The following WWOX variants were observed in gnomAD, a reference collection of about 807,000 sequenced individuals.
WWOX encodes the protein WW domain-containing oxidoreductase.
In WWOX, 69 loss-of-function variants were observed where a neutral mutation model predicts 46.2. That is an observed-to-expected ratio of 1.49 (90% CI 1.23 to 1.82). The LOEUF (loss-of-function observed/expected upper bound fraction) is 1.82, where lower values mean the gene tolerates loss of function less well. Ranked by LOEUF, WWOX falls within the 40% of genes most tolerant of loss-of-function variation. The pLI is 0.00. For missense variants in WWOX, 919 were observed against 542.6 expected, an observed-to-expected ratio of 1.69 and a Z score of -6.89; for synonymous variants, 359 against 202.6, an observed-to-expected ratio of 1.77 and a Z score of -6.56.
chr16:79,121,627 C>G (rs1395837017), intron 8 of WWOX, among the ~76,000 whole-genome samples: 1 of 152,082 alleles, frequency 6.6e-6, no homozygotes, highest in Non-Finnish European at 1.5e-5. Context: ...TTCAAAGACT[C>G]CATGGAGTCC....
chr16:78,997,997 C>T (rs752259640), intron 8 of WWOX, among the ~76,000 whole-genome samples: 11 of 152,136 alleles, frequency 7.2e-5, no homozygotes, highest in Non-Finnish European at 1.6e-4. Flanking sequence ...CTGCCTCAGC[C>T]TCCCGAGTAG....
At chr16:78,171,488 G>A (rs2035159071) in intron 5 of WWOX, among the ~76,000 whole-genome samples, 1 of 152,068 alleles carries the variant, frequency 6.6e-6, no homozygotes, top group African/African-American at 2.4e-5. Flanking sequence ...GAGGCATGTG[G>A]TATGTGGGGC....
chr16:79,168,293 A>G (rs2050633855), intron 8 of WWOX, among the ~76,000 whole-genome samples: 1 of 152,166 alleles, frequency 6.6e-6, no homozygotes, highest in Admixed American at 6.5e-5. Flanking sequence ...TAACTTTTTG[A>G]TGAACTGACA....
chr16:78,459,536 C>G lies in WWOX; in HGVS notation c.1056+26784C>G, dbSNP rs557942389. On this transcript the variant is annotated intron_variant, in intron 8 of 8. Transcript: ENST00000566780. ...CTTTGCTTCATGTTTTCCTTAAACT[C>G]TGTGCACATGAATATTTGTGGTATA... Among the ~76,000 whole-genome samples the G allele has an allele frequency of 6.6e-5, 10 of 152,256 alleles. No individual in the cohort carries two copies. The South Asian group carries it at 1.9e-3, about 28-fold the overall frequency.
intron 8 of WWOX, among the ~76,000 whole-genome samples, chr16:79,207,788 CTT>C (rs35405085): frequency 6.6e-6 from 1 of 150,702 alleles, no homozygotes; most frequent in African/African-American, 2.4e-5. Context: ...TATGTGGGTG[CTT>C]TTTTTTTCTT....
intron 8 of WWOX, among the ~76,000 whole-genome samples, chr16:78,690,379 C>T (rs532841009): frequency 5.3e-5 from 8 of 152,036 alleles, no homozygotes; most frequent in Admixed American, 1.3e-4. Flanking sequence ...AGTGAGACCC[C>T]GTATCTACAA....
At chr16:78,974,508 C>T (rs74032469) in intron 8 of WWOX, among the ~76,000 whole-genome samples, 7 of 152,104 alleles carry the variant, frequency 4.6e-5, no homozygotes, top group Admixed American at 6.5e-5. Flanking sequence ...GTGATGAATC[C>T]GTCTCTGTTA....
chr16:78,822,309 C>G (rs939478446), intron 8 of WWOX, among the ~76,000 whole-genome samples: 1 of 152,154 alleles, frequency 6.6e-6, no homozygotes, highest in Non-Finnish European at 1.5e-5. Flanking sequence ...GCCTGGCTGA[C>G]ATGACGAAAC....
intron 8 of WWOX, among the ~76,000 whole-genome samples, chr16:78,808,206 T>C (rs1052885378): frequency 3.5e-4 from 53 of 152,276 alleles, no homozygotes; most frequent in African/African-American, 1.2e-3. Flanking sequence ...CCTCTGAATA[T>C]GCTCCTCCTG....
intron 5 of WWOX, among the ~76,000 whole-genome samples, chr16:78,248,988 C>T (rs150965768): frequency 6.6e-6 from 1 of 151,204 alleles, no homozygotes; most frequent in Non-Finnish European, 1.5e-5. Context: ...TCCGGAGCAG[C>T]TGGGACTACA....
intron 8 of WWOX, among the ~76,000 whole-genome samples, chr16:78,723,598 T>TC (rs2048748903): frequency 1.3e-5 from 1 of 77,418 alleles, no homozygotes; most frequent in African/African-American, 5.2e-5. Context: ...TTTTCTTTTC[T>TC]TTTCTTTTCT....
intron 5 of WWOX, among the ~76,000 whole-genome samples, chr16:78,227,287 A>T (rs1258671245): frequency 1.3e-5 from 2 of 152,182 alleles, no homozygotes; most frequent in Non-Finnish European, 2.9e-5. Flanking sequence ...CATAAATTTA[A>T]TGGAGTTTTA....
At chr16:78,742,513 C>T (rs2049253853) in intron 8 of WWOX, among the ~76,000 whole-genome samples, 1 of 152,206 alleles carries the variant, frequency 6.6e-6, no homozygotes, top group East Asian at 1.9e-4. Context: ...CTGGTATGTA[C>T]TAGGTGCCCT....
intron 8 of WWOX, among the ~76,000 whole-genome samples, chr16:78,652,721 A>C (rs565577333): frequency 2.0e-4 from 30 of 152,290 alleles, no homozygotes; most frequent in African/African-American, 6.7e-4. Flanking sequence ...TGTTCTTTTC[A>C]GATTTAGGTT....
At position 78,977,046 on chromosome 16, in the gene WWOX, A is replaced by G. The variant is rs537512780; in HGVS notation, c.1057-234562A>G. On this transcript the variant is annotated intron_variant, in intron 8 of 8. Transcript: ENST00000566780. ...CCTGGCCTGGGACAATCAGGTTTCAACTGAGGCTCACGCACACGTCAACAC... is the reference window on the plus strand; with the variant it reads ...CCTGGCCTGGGACAATCAGGTTTCAGCTGAGGCTCACGCACACGTCAACAC... 3.3e-5 allele frequency among the ~76,000 whole-genome samples: 5 copies of G among 152,254 alleles called. No homozygotes were observed. The South Asian group carries it at 1.0e-3, about 32-fold the overall frequency.
At chr16:79,134,876 C>A (rs2150703879) in intron 8 of WWOX, among the ~76,000 whole-genome samples, 1 of 152,194 alleles carries the variant, frequency 6.6e-6, no homozygotes, top group East Asian at 1.9e-4. Context: ...AAAGCAACTG[C>A]ATTCCCACTG....
chr16:78,999,143 T>C (rs2047045848), intron 8 of WWOX, among the ~76,000 whole-genome samples: 1 of 150,686 alleles, frequency 6.6e-6, no homozygotes. Context: ...CTGATGCTTC[T>C]TCTTTTTTTT....
rs144222036 is a variant in WWOX at position 78,343,428 on chromosome 16, C to T, written c.517-43432C>T. Reference sequence around the variant, plus strand: ...TCAATCACTGATGGCCAGCTGTCAACAGGCACCATTTTTGGTGGGACCTGA... The same window carrying T: ...TCAATCACTGATGGCCAGCTGTCAATAGGCACCATTTTTGGTGGGACCTGA... On this transcript the variant is annotated intron_variant, in intron 5 of 8. Coordinates refer to ENST00000566780, the MANE Select transcript of WWOX (RefSeq NM_016373.4). 5.2e-3 allele frequency among the ~76,000 whole-genome samples: 629 copies of T among 121,206 alleles called. 200 individuals carry two copies. The highest frequency in any genetic ancestry group is 1.6e-3 in the Non-Finnish European group (80 of 50,692). The allele number at this position is 121,206 out of a possible 152,430, so 79.5% of individuals were successfully genotyped here. A position where few individuals can be genotyped will look rare whatever the true frequency, so the allele number is the denominator to read the frequency against.
chr16:79,037,334 C>CA (rs1284072657), intron 8 of WWOX, among the ~76,000 whole-genome samples: 1 of 152,142 alleles, frequency 6.6e-6, no homozygotes, highest in African/African-American at 2.4e-5. Flanking sequence ...TTTTGATTCT[C>CA]AAGTCTTTTT....
Sources: gnomAD v4.1 joint callset for allele counts (sites outside exome capture counted in the v4.1 genomes callset) on GRCh38, gnomAD v4.1.1 for gene constraint, MANE v1.5 for transcripts, NCBI Gene and HGNC (gene_info 2026-07-23, HGNC 2026-07-21) for gene names.